The following CSRNP3 variants were observed in gnomAD, a reference collection of about 807,000 sequenced individuals.
The protein encoded by CSRNP3 is cysteine and serine rich nuclear protein 3.
In CSRNP3, 12 loss-of-function variants were observed where a neutral mutation model predicts 48.0. The ratio of observed to expected loss-of-function variants is 0.25; its 90% CI spans 0.16 to 0.41. CSRNP3 has a LOEUF of 0.41. CSRNP3 is among the 10% of genes least tolerant of loss of function. The pLI, the probability that CSRNP3 is intolerant of heterozygous loss-of-function variation, is 1.00. For synonymous variants in CSRNP3, 263 were observed against 269.7 expected, an observed-to-expected ratio of 0.98 and a Z score of 0.24; for missense variants, 580 against 724.4, an observed-to-expected ratio of 0.80 and a Z score of 2.29.
chr2:165,676,522 C>T lies in CSRNP3; in HGVS notation c.619C>T (p.Leu207Phe), dbSNP rs2105363650. 1 of 1,614,132 alleles carries T rather than the reference C, an allele frequency of 6.2e-7. No individual in the cohort carries two copies. Among genetic ancestry groups the T allele is most frequent in the Non-Finnish European group, 8.5e-7 (1 of 1,179,996 alleles). ...EEKHELRAIR[L>F]SREDCGCDCR... is the part of the protein sequence containing the mutation. Reference sequence around the variant, plus strand: ...AAAGCACGAACTCCGAGCCATCCGCCTCTCACGAGAGGACTGTGGCTGTGA... The same window carrying T: ...AAAGCACGAACTCCGAGCCATCCGCTTCTCACGAGAGGACTGTGGCTGTGA... Residue 207 changes from leucine to phenylalanine, a missense_variant, in exon 6 of 7, where the codon CTC (leucine) becomes TTC (phenylalanine). Leu to Phe is a conservative substitution (Grantham distance 22). Around this residue, in one of 4 missense-constraint regions of CSRNP3, gnomAD observed 66 missense variants for 137.6 expected, o/e 0.48. Coordinates refer to ENST00000651982, the MANE Select transcript of CSRNP3 (RefSeq NM_001172173.2).
At chr2:165,492,815 C>T (rs1684235678) in intron 1 of CSRNP3, among the ~76,000 whole-genome samples, 1 of 140,440 alleles carries the variant, frequency 7.1e-6, no homozygotes, top group Non-Finnish European at 1.5e-5. Flanking sequence ...GTCATTGAAA[C>T]ATAATAAAAG....
intron 4 of CSRNP3, among the ~76,000 whole-genome samples, chr2:165,612,460 T>C (rs1205293252): frequency 1.3e-5 from 2 of 152,066 alleles, no homozygotes; most frequent in East Asian, 3.8e-4. Context: ...TCTGAAAATA[T>C]ACACTAAATT....
chr2:165,543,838 A>G (rs1263632668), intron 3 of CSRNP3, among the ~76,000 whole-genome samples: 2 of 152,146 alleles, frequency 1.3e-5, no homozygotes, highest in South Asian at 2.1e-4. Flanking sequence ...CAGTCATTCA[A>G]TAAATATGAC....
At chr2:165,612,728 G>A (rs963604396) in intron 4 of CSRNP3, among the ~76,000 whole-genome samples, 2 of 151,538 alleles carry the variant, frequency 1.3e-5, no homozygotes, top group East Asian at 3.9e-4. Context: ...TGTCCTCCAG[G>A]TTCATTCATG....
intron 1 of CSRNP3, among the ~76,000 whole-genome samples, chr2:165,479,586 C>A (rs2138037): frequency 0.24 from 36,595 of 152,026 alleles, 4,578 homozygotes; most frequent in East Asian, 0.38. Context: ...CAACTTAAAA[C>A]CACATTTATT....
chr2:165,686,196 T>C lies in CSRNP3; in HGVS notation c.*6443T>C, dbSNP rs1346070430. On this transcript the variant is annotated 3_prime_UTR_variant, in exon 7 of 7. Coordinates refer to ENST00000651982, the MANE Select transcript of CSRNP3 (RefSeq NM_001172173.2). ...TGACCTAGAAAATGTCTCTTTTAAA[T>C]TTATCTAGGTACTTGTATCACCAGA... is the stretch of plus-strand genomic sequence containing the variant. The C allele has an allele frequency of 6.6e-6, 1 of 152,072 alleles. No homozygotes were observed. Among genetic ancestry groups the C allele is most frequent in the Non-Finnish European group, 1.5e-5 (1 of 67,976 alleles). 9.4% of individuals were successfully genotyped at this position (152,072 alleles called of 1,614,324 possible). A position where few individuals can be genotyped will look rare whatever the true frequency, so the allele number is the denominator to read the frequency against.
chr2:165,527,838 A>G (rs1179017304), intron 3 of CSRNP3, among the ~76,000 whole-genome samples: 1 of 152,088 alleles, frequency 6.6e-6, no homozygotes, highest in African/African-American at 2.4e-5. Flanking sequence ...GACATCCACA[A>G]ATTAATGAGA....
chr2:165,496,754 C>T (rs1172784105), intron 2 of CSRNP3, among the ~76,000 whole-genome samples: 1 of 151,920 alleles, frequency 6.6e-6, no homozygotes, highest in Non-Finnish European at 1.5e-5. Context: ...TCTAGCAGTG[C>T]AGTGCAGTGT....
intron 3 of CSRNP3, among the ~76,000 whole-genome samples, chr2:165,553,815 A>G (rs1483486286): frequency 1.3e-5 from 2 of 152,120 alleles, no homozygotes; most frequent in Non-Finnish European, 2.9e-5. Flanking sequence ...TCACTGTCCT[A>G]CATCATCATC....
intron 4 of CSRNP3, among the ~76,000 whole-genome samples, chr2:165,599,392 G>C (rs1224956444): frequency 7.4e-6 from 1 of 135,032 alleles, no homozygotes; most frequent in African/African-American, 2.8e-5. Context: ...TGTTTGTTTT[G>C]AGACAGTGTC....
chr2:165,548,480 T>G (rs1685058737), intron 3 of CSRNP3, among the ~76,000 whole-genome samples: 1 of 152,232 alleles, frequency 6.6e-6, no homozygotes. Flanking sequence ...CTACTCTATA[T>G]AACTATATTT....
At position 165,471,822 on chromosome 2, in the gene CSRNP3, G is replaced by T. The variant is rs78872404; in HGVS notation, c.-283+2082G>T. On this transcript the variant is annotated intron_variant, in intron 1 of 6. Coordinates refer to ENST00000651982, the MANE Select transcript of CSRNP3 (RefSeq NM_001172173.2). ...ACTGCAGAGTCCACAGGAAGAGATAGAGAGAGAGAGAGAATGTGTGCTGGA... is the reference window on the plus strand; with the variant it reads ...ACTGCAGAGTCCACAGGAAGAGATATAGAGAGAGAGAGAATGTGTGCTGGA... Among the ~76,000 whole-genome samples the T allele has an allele frequency of 2.0e-3, 303 of 150,952 alleles. 5 individuals are homozygous for T. In the East Asian group the frequency reaches 0.039, roughly 19 times the overall value.
chr2:165,624,908 C>T (rs879201759), intron 4 of CSRNP3, among the ~76,000 whole-genome samples: 3 of 152,076 alleles, frequency 2.0e-5, no homozygotes, highest in East Asian at 1.9e-4. Flanking sequence ...AAGAAGCCCG[C>T]GGAAAGTGGG....
chr2:165,545,578 C>A (rs1475558973), intron 3 of CSRNP3, among the ~76,000 whole-genome samples: 2 of 152,008 alleles, frequency 1.3e-5, no homozygotes, highest in East Asian at 3.9e-4. Flanking sequence ...AGAGAGGTAT[C>A]TGGGTTATTG....
chr2:165,494,826 C>A lies in CSRNP3; in HGVS notation c.-215C>A, dbSNP rs571211182. ...GGAAGTTTGAAGAAGTCAACGGCTC[C>A]TCACCCTGCTCTTCAGTGCAGGAAT... On this transcript the variant is annotated 5_prime_UTR_variant, in exon 2 of 7. Transcript: ENST00000651982. The A allele has an allele frequency of 3.4e-5, 7 of 203,480 alleles. No individual in the cohort carries two copies. The highest frequency in any genetic ancestry group is 1.4e-4 in the Admixed American group (3 of 21,220). The allele number at this position is 203,480 out of a possible 1,614,324, so 12.6% of individuals were successfully genotyped here. A position where few individuals can be genotyped will look rare whatever the true frequency, so the allele number is the denominator to read the frequency against.
intron 3 of CSRNP3, among the ~76,000 whole-genome samples, chr2:165,518,403 T>G (rs1197759848): frequency 6.6e-6 from 1 of 151,922 alleles, no homozygotes. Context: ...ATTTCCTGAC[T>G]TTTTTTAACT....
chr2:165,590,182 G>C (rs1242429615), intron 3 of CSRNP3, among the ~76,000 whole-genome samples: 2 of 152,182 alleles, frequency 1.3e-5, no homozygotes, highest in Non-Finnish European at 2.9e-5. Context: ...AATCTGAATA[G>C]TGGTAAAATC....
At chr2:165,517,337 A>G (rs1369982281) in intron 2 of CSRNP3, among the ~76,000 whole-genome samples, 1 of 151,970 alleles carries the variant, frequency 6.6e-6, no homozygotes, top group Non-Finnish European at 1.5e-5. Context: ...AATTTTCTTA[A>G]GGCCTAAGTT....
intron 3 of CSRNP3, among the ~76,000 whole-genome samples, chr2:165,527,675 C>T (rs1263031676): frequency 6.6e-6 from 1 of 151,966 alleles, no homozygotes; most frequent in East Asian, 1.9e-4. Context: ...CTCCAAATTT[C>T]CTGAAAACAC....
Sources: gnomAD v4.1 joint callset for allele counts (sites outside exome capture counted in the v4.1 genomes callset) on GRCh38, gnomAD v4.1.1 for gene constraint, gnomAD v4.1.1 regional missense constraint, MANE v1.5 for transcripts, NCBI Gene and HGNC (gene_info 2026-07-23, HGNC 2026-07-21) for gene names.